PYGM: variants seen among roughly 807,000 people sequenced by gnomAD.
PYGM encodes the protein glycogen phosphorylase, muscle form.
In PYGM, 81 loss-of-function variants were observed where a neutral mutation model predicts 99.3. That is an observed-to-expected ratio of 0.82 (90% CI 0.68 to 0.98). The LOEUF is 0.98. Among genes scored for constraint, PYGM ranks in the 50% least tolerant of loss-of-function variants. The pLI is 0.00. For synonymous variants in PYGM, 436 were observed against 451.5 expected (o/e 0.97, Z 0.44); for missense variants, 1,030 against 1,158.1 (o/e 0.89, Z 1.61).
intron 5 of PYGM, among the ~76,000 whole-genome samples, chr11:64,756,478 C>T (rs1444295522): frequency 6.6e-6 from 1 of 152,142 alleles, no homozygotes. Flanking sequence ...TGAGATGGGA[C>T]CTCACTCTGT....
In PYGM at chr11:64,755,537, C is replaced by A. The variant is rs150232968; in HGVS notation, c.682G>T (p.Asp228Tyr). The A allele has an allele frequency of 1.2e-6, 2 of 1,614,072 alleles. No homozygotes were observed. Among genetic ancestry groups the A allele is most frequent in the Non-Finnish European group, 1.7e-6 (2 of 1,179,982 alleles). ...DTQVVLAMPY[D>Y]TPVPGYRNNV... ...TTGCGATAGCCAGGCACGGGCGTAT[C>A]GTAGGGCATGGCCAGTACCACCTGC... Residue 228 changes from aspartate (D) to tyrosine (Y), a missense_variant, in exon 6 of 20, where the codon GAT becomes TAT. Asp to Tyr is a radical substitution (Grantham distance 160). Coordinates refer to ENST00000164139, the MANE Select transcript of PYGM (RefSeq NM_005609.4). The surrounding 1 kb of genome is among the most constrained non-coding windows in gnomAD (Gnocchi z 4.1).
In PYGM at chr11:64,750,467, C is replaced by G; in HGVS notation, c.2086G>C (p.Ala696Pro). Reference protein sequence around the residue: ...GALTIGTMDGANVEMAEEAGE... With the variant: ...GALTIGTMDGPNVEMAEEAGE... The stretch of plus-strand genomic sequence containing the variant: ...GCCTCTTCTGCCATCTCCACATTGG[C>G]CCCGTCCATGGTGCCAATGGTCAGA... The change falls in exon 17 of 20, where the codon GCC becomes CCC. Residue 696 changes from alanine (A) to proline (P), a missense_variant. Coordinates refer to ENST00000164139, the MANE Select transcript of PYGM (RefSeq NM_005609.4). The G allele has an allele frequency of 3.7e-6, 6 of 1,614,242 alleles. No individual in the cohort carries two copies. The highest frequency in any genetic ancestry group is 4.2e-6 in the Non-Finnish European group (5 of 1,180,044).
intron 12 of PYGM, 29 bp from the exon 13 acceptor site, chr11:64,752,533 C>T (rs1240809776): frequency 6.3e-7 from 1 of 1,591,222 alleles, no homozygotes; most frequent in Non-Finnish European, 8.6e-7. Context: ...CAGCCAAGCC[C>T]ATCCCCATGT....
chr11:64,748,592 T>G (rs1416994516), intron 17 of PYGM: 1 of 152,232 alleles, frequency 6.6e-6, no homozygotes, highest in Non-Finnish European at 1.5e-5. Context: ...ATTAAAAGGT[T>G]GCTCATCACA....
Position 64,746,988 on chromosome 11 carries a change from C to G in PYGM, c.2313-1G>C. The G allele has an allele frequency of 6.2e-7, 1 of 1,614,126 alleles. No homozygotes were observed. The highest frequency in any genetic ancestry group is 8.5e-7 in the Non-Finnish European group (1 of 1,179,988). ...TTCATAATCTGCGAAGACTTTAAAC[C>G]TGGAGGGGAAAGGATAGGCATGTGC... is the stretch of plus-strand genomic sequence containing the variant. On this transcript the variant is annotated splice_acceptor_variant, in intron 18 of 19. Transcript: ENST00000164139. LOFTEE classifies it high-confidence loss of function.
chr11:64,757,716 T>C, intron 5 of PYGM, 63 bp downstream of exon 5: 2 of 1,608,784 alleles, frequency 1.2e-6, no homozygotes, highest in Non-Finnish European at 1.7e-6. Flanking sequence ...CTGCTTCCTC[T>C]CTGGGCTTCC....
Position 64,754,472 on chromosome 11 carries a change from G to C in PYGM, c.1000-127C>G. ...TGTGACTGGGCTGTGGGCAGAGGCA[G>C]GCCGGTGCTCATGGGGGTGGGAGGA... On this transcript the variant is annotated intron_variant, in intron 8 of 19. Transcript: ENST00000164139. The surrounding 1 kb of genome is among the most constrained non-coding windows in gnomAD (Gnocchi z 5.5). 1 of 1,007,102 alleles carries C rather than the reference G, an allele frequency of 9.9e-7. No homozygotes were observed. 62.4% of individuals were successfully genotyped at this position (1,007,102 alleles called of 1,614,324 possible).
chr11:64,748,340 A>C (rs1417757730), intron 17 of PYGM: 2 of 152,154 alleles, frequency 1.3e-5, no homozygotes, highest in Non-Finnish European at 2.9e-5. Flanking sequence ...TGCTCACAAC[A>C]TCTCACAGCT....
chr11:64,750,945 GC>G (rs1243612204), intron 16 of PYGM, among the ~76,000 whole-genome samples: 1 of 152,198 alleles, frequency 6.6e-6, no homozygotes, highest in Non-Finnish European at 1.5e-5. Flanking sequence ...AGGCTGAAGT[GC>G]AATGGCGTGA....
rs1248434937 is a variant in PYGM, at chr11:64,754,893, C to T, written c.856-57G>A. 18 of 1,603,334 alleles carry T rather than the reference C, an allele frequency of 1.1e-5. No homozygotes were observed. Among genetic ancestry groups the T allele is most frequent in the East Asian group, 2.2e-5 (1 of 44,678 alleles). ...GCGGTGGGGGCATGGCCTAAAGCTG[C>T]GGTGGGTGTGGCCAGGAGGGACTCC... On this transcript the variant is annotated intron_variant, in intron 7 of 19. Transcript: ENST00000164139. The surrounding 1 kb of genome is among the most constrained non-coding windows in gnomAD (Gnocchi z 5.5).
chr11:64,757,552 G>A (rs1438007890), intron 5 of PYGM, among the ~76,000 whole-genome samples: 1 of 152,152 alleles, frequency 6.6e-6, no homozygotes, highest in Non-Finnish European at 1.5e-5. Flanking sequence ...CACTGGGGGA[G>A]CAGGGCAGCC....
intron 1 of PYGM, among the ~76,000 whole-genome samples, chr11:64,759,052 G>C (rs1025549332): frequency 1.3e-5 from 2 of 152,080 alleles, no homozygotes; most frequent in Non-Finnish European, 2.9e-5. Flanking sequence ...TCACACAGTG[G>C]CTAGAGACTG....
chr11:64,756,597 C>T (rs1192141833), intron 5 of PYGM, among the ~76,000 whole-genome samples: 2 of 152,072 alleles, frequency 1.3e-5, no homozygotes, highest in African/African-American at 4.8e-5. Context: ...ATTACAGGCA[C>T]GTGCCACCAT....
intron 4 of PYGM, 128 bp downstream of exon 4, chr11:64,758,118 G>T: frequency 7.3e-7 from 1 of 1,361,152 alleles, no homozygotes; most frequent in Non-Finnish European, 1.0e-6. Context: ...GGGTCGGGGG[G>T]TGGGGAGCAG....
chr11:64,754,570 G>C lies in PYGM; in HGVS notation c.999+123C>G. 1 of 1,393,300 alleles carries C rather than the reference G, an allele frequency of 7.2e-7. No individual in the cohort carries two copies. Among genetic ancestry groups the C allele is most frequent in the Non-Finnish European group, 9.8e-7 (1 of 1,016,720 alleles). The allele number at this position is 1,393,300 out of a possible 1,614,324, so 86.3% of individuals were successfully genotyped here. A position where few individuals can be genotyped will look rare whatever the true frequency, so the allele number is the denominator to read the frequency against. On this transcript the variant is annotated intron_variant, in intron 8 of 19. Coordinates refer to ENST00000164139, the MANE Select transcript of PYGM (RefSeq NM_005609.4). The surrounding 1 kb of genome is among the most constrained non-coding windows in gnomAD (Gnocchi z 5.5). ...TGTGGATTGTGAATCCTGAACAACT[G>C]ACCCTCCCACACTCCCAGTCTCCAC...
At position 64,746,924 on chromosome 11, in the gene PYGM, G is replaced by C; in HGVS notation, c.2376C>G (p.Tyr792Ter). ...IKCQEKVSAL[Y>*]KNPREWTRMV... The stretch of plus-strand genomic sequence containing the variant: ...CCCCTGGCCCAGGACCCCTCACCTT[G>C]TACAAGGCGCTGACTTTCTCCTGGC... Residue 792 changes from tyrosine (Y) to a stop codon, truncating the protein, a stop_gained, in exon 19 of 20, where the codon TAC (tyrosine) becomes TAG (stop). Coordinates refer to ENST00000164139, the MANE Select transcript of PYGM (RefSeq NM_005609.4). LOFTEE classifies it high-confidence loss of function. 6.2e-7 allele frequency: 1 copy of C among 1,614,200 alleles called. No homozygotes were observed. Among genetic ancestry groups the C allele is most frequent in the South Asian group, 1.1e-5 (1 of 91,090 alleles).
In PYGM at chr11:64,755,598, C is replaced by T; in HGVS notation, c.661-40G>A. 1.3e-6 allele frequency: 2 copies of T among 1,505,632 alleles called. No individual in the cohort carries two copies. Among genetic ancestry groups the T allele is most frequent in the Non-Finnish European group, 1.8e-6 (2 of 1,084,202 alleles). The allele number at this position is 1,505,632 out of a possible 1,614,324, so 93.3% of individuals were successfully genotyped here. ...CCTGTCAGGAGCTGGCCAGCCCTGG[C>T]AATTGCCTCCCTCCCCTCAGGGCTG... is the stretch of plus-strand genomic sequence containing the variant. On this transcript the variant is annotated intron_variant, in intron 5 of 19. Transcript: ENST00000164139. The surrounding 1 kb of genome is among the most constrained non-coding windows in gnomAD (Gnocchi z 4.1).
intron 5 of PYGM, among the ~76,000 whole-genome samples, chr11:64,756,355 T>A (rs1322807755): frequency 6.6e-6 from 1 of 152,206 alleles, no homozygotes; most frequent in Non-Finnish European, 1.5e-5. Context: ...AACAAACAAA[T>A]GCTCAGTTCT....
At chr11:64,760,060 C>T, upstream of PYGM, 1 of 1,159,168 alleles carries the variant, frequency 8.6e-7, no homozygotes, top group Non-Finnish European at 1.2e-6. Context: ...CTTGGCCTGG[C>T]AGCTCAGGGA....
Sources: allele counts gnomAD v4.1 joint callset (sites outside exome capture counted in the v4.1 genomes callset), GRCh38; gene constraint gnomAD v4.1.1; non-coding constraint Gnocchi (gnomAD v3.1); transcripts MANE v1.5; gene names NCBI Gene and HGNC (gene_info 2026-07-23, HGNC 2026-07-21).